Variants in TRPS1 observed in about 807,000 individuals in gnomAD.
The protein encoded by TRPS1 is zinc finger transcription factor Trps1.
In TRPS1, 6 loss-of-function variants were observed where a neutral mutation model predicts 101.2. The ratio of observed to expected loss-of-function variants is 0.06; its 90% CI spans 0.03 to 0.12. The LOEUF is 0.12. Ranked by LOEUF, TRPS1 falls within the 10% of genes least tolerant of loss-of-function variation. TRPS1 has a pLI of 1.00. For missense variants in TRPS1, 1,363 were observed against 1,567.0 expected, an observed-to-expected ratio of 0.87 and a Z score of 2.20; for synonymous variants, 578 against 589.8, an observed-to-expected ratio of 0.98 and a Z score of 0.29.
At chr8:115,512,978 A>G (rs894718541) in intron 5 of TRPS1, among the ~76,000 whole-genome samples, 20 of 151,648 alleles carry the variant, frequency 1.3e-4, no homozygotes, top group African/African-American at 4.8e-4. Context: ...AGATACTCAT[A>G]ATCTTGTGGT....
At chr8:115,607,565 T>C (rs920772405) in intron 3 of TRPS1, among the ~76,000 whole-genome samples, 5 of 151,814 alleles carry the variant, frequency 3.3e-5, no homozygotes, top group African/African-American at 4.8e-5. Context: ...AGCTAAAAAA[T>C]GAAAACTCAC....
At chr8:115,648,305 G>A (rs1317366735) in intron 1 of TRPS1, among the ~76,000 whole-genome samples, 1 of 152,056 alleles carries the variant, frequency 6.6e-6, no homozygotes, top group Non-Finnish European at 1.5e-5. Context: ...GGAGAGGGAG[G>A]CTGCAGGCAC....
At chr8:115,448,675 A>C (rs768917639) in intron 5 of TRPS1, among the ~76,000 whole-genome samples, 5 of 152,204 alleles carry the variant, frequency 3.3e-5, no homozygotes, top group Non-Finnish European at 5.9e-5. Flanking sequence ...ACTCATTTCA[A>C]GTATGTTCTA....
At chr8:115,641,352 AT>A (rs772323763) in intron 1 of TRPS1, among the ~76,000 whole-genome samples, 7 of 152,212 alleles carry the variant, frequency 4.6e-5, no homozygotes, top group Non-Finnish European at 1.0e-4. Flanking sequence ...CATCATTTAA[AT>A]TTTGGAATAT....
chr8:115,441,613 A>G (rs1226635256), intron 5 of TRPS1, among the ~76,000 whole-genome samples: 8 of 152,212 alleles, frequency 5.3e-5, no homozygotes, highest in Admixed American at 2.0e-4. Context: ...GTAAGAAATC[A>G]TGCTTAGTTT....
intron 5 of TRPS1, among the ~76,000 whole-genome samples, chr8:115,471,060 T>C (rs1263777185): frequency 1.3e-5 from 2 of 152,186 alleles, no homozygotes; most frequent in Non-Finnish European, 2.9e-5. Flanking sequence ...AAGGCACTAA[T>C]GTATTTGTTT....
intron 5 of TRPS1, chr8:115,509,479 T>C (rs1413010308): frequency 6.6e-6 from 1 of 152,014 alleles, no homozygotes; most frequent in Non-Finnish European, 1.5e-5. Flanking sequence ...AATATGTTAG[T>C]TTAGGCCAAA....
chr8:115,580,245 A>AAATAT lies in TRPS1; in HGVS notation c.2700+6755_2700+6756insATATT, dbSNP rs1554591592. 7.7e-3 allele frequency among the ~76,000 whole-genome samples: 1,082 copies of AAATAT among 139,814 alleles called. 6 individuals carry two copies. Among genetic ancestry groups the AAATAT allele is most frequent in the Middle Eastern group, 0.042 (11 of 260 alleles). The allele number at this position is 139,814 out of a possible 152,430, so 91.7% of individuals were successfully genotyped here. On this transcript the variant is annotated intron_variant, in intron 5 of 6. Transcript: ENST00000395715. The stretch of plus-strand genomic sequence containing the variant: ...TGGAAGGGAGAGAAGAAAAAAAAAA[A>AAATAT]ATATATATATATATATATATGAGAG...
chr8:115,528,114 G>A (rs1044333881), intron 5 of TRPS1, among the ~76,000 whole-genome samples: 3 of 152,030 alleles, frequency 2.0e-5, no homozygotes, highest in Admixed American at 6.6e-5. Context: ...AAAAAAGTAA[G>A]TAACTTAAAT....
At chr8:115,452,889 C>T (rs575605132) in intron 5 of TRPS1, among the ~76,000 whole-genome samples, 28 of 152,240 alleles carry the variant, frequency 1.8e-4, no homozygotes, top group African/African-American at 6.0e-4. Context: ...CCATTAATAA[C>T]GCTCTAGATA....
At chr8:115,614,690 T>G (rs1818239968) in intron 3 of TRPS1, among the ~76,000 whole-genome samples, 1 of 152,142 alleles carries the variant, frequency 6.6e-6, no homozygotes, top group Admixed American at 6.5e-5. Flanking sequence ...CATTCACCAG[T>G]TTTTCTAAAC....
At chr8:115,463,755 A>C (rs2129984602) in intron 5 of TRPS1, among the ~76,000 whole-genome samples, 1 of 152,220 alleles carries the variant, frequency 6.6e-6, no homozygotes, top group African/African-American at 2.4e-5. Context: ...ATTTTGAAAG[A>C]GAATGCTCCC....
In TRPS1 at chr8:115,409,651, T is replaced by C. The variant is rs1421934764; in HGVS notation, c.*4372A>G. On this transcript the variant is annotated 3_prime_UTR_variant, in exon 7 of 7. Coordinates refer to ENST00000395715, the MANE Select transcript of TRPS1 (RefSeq NM_014112.5). Reference sequence around the variant, plus strand: ...ACAGTACTGAAAAACCAAAAGGAAGTGCTCTGCAAAGAATCCATGCCTCTG... The same window carrying C: ...ACAGTACTGAAAAACCAAAAGGAAGCGCTCTGCAAAGAATCCATGCCTCTG... The C allele has an allele frequency of 1.3e-5, 2 of 152,074 alleles. No homozygotes were observed. The highest frequency in any genetic ancestry group is 2.9e-5 in the Non-Finnish European group (2 of 67,986). The allele number at this position is 152,074 out of a possible 1,614,324, so 9.4% of individuals were successfully genotyped here. A position where few individuals can be genotyped will look rare whatever the true frequency, so the allele number is the denominator to read the frequency against.
chr8:115,483,043 T>C (rs923001922), intron 5 of TRPS1, among the ~76,000 whole-genome samples: 1 of 152,214 alleles, frequency 6.6e-6, no homozygotes, highest in Non-Finnish European at 1.5e-5. Context: ...AAGTAGGTCT[T>C]GTCCTTTTGA....
intron 5 of TRPS1, among the ~76,000 whole-genome samples, chr8:115,432,371 T>C (rs1813342203): frequency 6.6e-6 from 1 of 151,846 alleles, no homozygotes; most frequent in Non-Finnish European, 1.5e-5. Context: ...CCACCAATTG[T>C]TTACAATTTA....
chr8:115,491,126 C>G (rs1815010691), intron 5 of TRPS1, among the ~76,000 whole-genome samples: 1 of 152,132 alleles, frequency 6.6e-6, no homozygotes, highest in African/African-American at 2.4e-5. Context: ...ACATCTAAAC[C>G]CTTTACCTTG....
At chr8:115,595,795 G>C (rs1817771396) in intron 4 of TRPS1, among the ~76,000 whole-genome samples, 1 of 151,832 alleles carries the variant, frequency 6.6e-6, no homozygotes, top group Admixed American at 6.6e-5. Flanking sequence ...ATAGTATTCA[G>C]AAGCATTAGT....
chr8:115,587,238 T>G lies in TRPS1; in HGVS notation c.2463A>C (p.Gln821His), dbSNP rs746771956. The change falls in exon 5 of 7, where the codon CAA becomes CAC. Residue 821 changes from glutamine to histidine, a missense_variant. Physicochemically the swap from Gln to His is conservative, Grantham distance 24. Transcript: ENST00000395715. ...DILRGSPSYT[Q>H]ASLGLLTPVS... The stretch of plus-strand genomic sequence containing the variant: ...CAGGCGTCAGCAGCCCCAGGCTTGC[T>G]TGGGTGTATGACGGACTCCCCCGCA... 5.6e-6 allele frequency: 9 copies of G among 1,614,100 alleles called. No individual in the cohort carries two copies. Among genetic ancestry groups the G allele is most frequent in the Non-Finnish European group, 7.6e-6 (9 of 1,180,036 alleles).
At chr8:115,667,405 T>A (rs779770038) in intron 1 of TRPS1, among the ~76,000 whole-genome samples, 3 of 152,234 alleles carry the variant, frequency 2.0e-5, no homozygotes, top group Admixed American at 2.0e-4. Flanking sequence ...GGGACAGCGA[T>A]GTTTGCCTTG....
Sources: gnomAD v4.1 joint callset for allele counts (sites outside exome capture counted in the v4.1 genomes callset) on GRCh38, gnomAD v4.1.1 for gene constraint, MANE v1.5 for transcripts, NCBI Gene and HGNC (gene_info 2026-07-23, HGNC 2026-07-21) for gene names.